Variants in DIP2A observed in about 807,000 individuals in gnomAD.
DIP2A encodes the protein disco-interacting protein 2 homolog A.
A neutral mutation model predicts 177.4 loss-of-function variants in DIP2A; 85 were observed. The observed-to-expected ratio is 0.48, with a 90% CI of 0.40 to 0.57. The LOEUF is 0.57. DIP2A is among the 20% of genes least tolerant of loss of function. The pLI is 0.00. For synonymous variants in DIP2A, 886 were observed against 881.8 expected (o/e 1.00, Z -0.08); for missense variants, 1,791 against 2,100.2 (o/e 0.85, Z 2.88).
At position 46,557,098 on chromosome 21, in the gene DIP2A, G is replaced by A. The variant is rs750421110; in HGVS notation, c.3629+29G>A. 1.3e-6 allele frequency: 2 copies of A among 1,574,982 alleles called. No homozygotes were observed. Among genetic ancestry groups the A allele is most frequent in the South Asian group, 2.3e-5 (2 of 87,598 alleles). On this transcript the variant is annotated intron_variant, in intron 30 of 37. Coordinates refer to ENST00000417564, the MANE Select transcript of DIP2A (RefSeq NM_015151.4). This position sits in a 1 kb window ranked among gnomAD's most constrained non-coding sequence, Gnocchi z 6.0. ...AGTGCAGGGCCCCTGCTGCCTGCCA[G>A]GTGGGAGCAGCTCGTGTGGCTCTTA...
Position 46,558,401 on chromosome 21 carries a change from G to A in DIP2A, c.3969+8G>A. The stretch of plus-strand genomic sequence containing the variant: ...GTGGCCATCTGCCTCCAGGTGAGGT[G>A]CCTGGGGCTGCGGTTCTCGAAAGCT... On this transcript the variant is annotated splice_region_variant and intron_variant, in intron 32 of 37. Transcript: ENST00000417564. 2 of 1,426,862 alleles carry A rather than the reference G, an allele frequency of 1.4e-6. No individual in the cohort carries two copies. Among genetic ancestry groups the A allele is most frequent in the Non-Finnish European group, 1.8e-6 (2 of 1,096,604 alleles). The allele number at this position is 1,426,862 out of a possible 1,614,324, so 88.4% of individuals were successfully genotyped here.
chr21:46,549,916 T>A (rs1406072169), intron 22 of DIP2A, 31 bp downstream of exon 22: 2 of 1,606,336 alleles, frequency 1.2e-6, no homozygotes, highest in Non-Finnish European at 1.7e-6. Context: ...TATGGTTCGG[T>A]GAATCTCCCA....
chr21:46,460,039 A>G (rs1467546192), intron 1 of DIP2A, among the ~76,000 whole-genome samples: 1 of 151,994 alleles, frequency 6.6e-6, no homozygotes, highest in Non-Finnish European at 1.5e-5. Flanking sequence ...CGCGCCTCAT[A>G]CTCTAGGAGC....
intron 5 of DIP2A, among the ~76,000 whole-genome samples, chr21:46,503,621 T>C (rs1350148271): frequency 0.01 from 1,357 of 135,384 alleles, 24 homozygotes; most frequent in African/African-American, 0.036. Context: ...CCTTTCTTTC[T>C]TTCTTTCTTT....
At chr21:46,495,361 C>T (rs184391381) in intron 3 of DIP2A, among the ~76,000 whole-genome samples, 2 of 151,416 alleles carry the variant, frequency 1.3e-5, no homozygotes, top group South Asian at 2.1e-4. Flanking sequence ...CTCTGCCTCC[C>T]GGGTTCAAAC....
At chr21:46,566,006 T>C in intron 36 of DIP2A, 119 bp downstream of exon 36, 2 of 1,199,652 alleles carry the variant, frequency 1.7e-6, no homozygotes, top group Admixed American at 2.2e-5. Flanking sequence ...TTGCTCCTTG[T>C]GGGGGGAAGA....
downstream of DIP2A, among the ~76,000 whole-genome samples, chr21:46,573,830 T>G (rs371566704): frequency 6.6e-6 from 1 of 151,830 alleles, no homozygotes; most frequent in African/African-American, 2.4e-5. Flanking sequence ...ACACATACAA[T>G]GACAGATCAT....
chr21:46,580,139 T>C, the DIP2A span, among the ~76,000 whole-genome samples: 1 of 152,244 alleles, frequency 6.6e-6, no homozygotes, highest in African/African-American at 2.4e-5. Flanking sequence ...GCTCCTGTAT[T>C]GGCTGCGTAT....
rs2060006485 is a variant in DIP2A, at chr21:46,545,771, CT to C, written c.2314-109del. On this transcript the variant is annotated intron_variant, in intron 19 of 37. Transcript: ENST00000417564. ...TGCAGGGCCAGCCTCCTTTTTCCCC[CT>C]GGCCAGCAGGCGCACACGTGGTGCT... 3.8e-6 allele frequency: 5 copies of C among 1,305,990 alleles called. No individual in the cohort carries two copies. In the East Asian group the frequency reaches 9.4e-5, roughly 24 times the overall value. The allele number at this position is 1,305,990 out of a possible 1,614,324, so 80.9% of individuals were successfully genotyped here.
At position 46,546,928 on chromosome 21, in the gene DIP2A, T is replaced by C. The variant is rs1448181431; in HGVS notation, c.2408T>C (p.Phe803Ser). Residue 803 changes from phenylalanine (F) to serine (S), a missense_variant, in exon 21 of 38, where the codon TTC (phenylalanine) becomes TCC (serine). Physicochemically the swap from Phe to Ser is radical, Grantham distance 155. Coordinates refer to ENST00000417564, the MANE Select transcript of DIP2A (RefSeq NM_015151.4). The stretch of plus-strand genomic sequence containing the variant: ...CCTTTCCCTCAGGACAACCTGGTCT[T>C]CATCGTGGGCAAACTGGACGGGCTG... The part of the protein sequence containing the change: ...LGFIGPDNLV[F>S]IVGKLDGLMV... The C allele has an allele frequency of 1.2e-6, 2 of 1,613,766 alleles. No homozygotes were observed. Among genetic ancestry groups the C allele is most frequent in the Non-Finnish European group, 1.7e-6 (2 of 1,179,814 alleles).
chr21:46,477,979 T>A (rs2056052914), intron 1 of DIP2A, among the ~76,000 whole-genome samples: 2 of 152,104 alleles, frequency 1.3e-5, no homozygotes, highest in African/African-American at 2.4e-5. Flanking sequence ...GGGTAATCAG[T>A]TGACTCAGAA....
At chr21:46,571,989 G>C (rs1204611051), downstream of DIP2A, among the ~76,000 whole-genome samples, 1 of 152,104 alleles carries the variant, frequency 6.6e-6, no homozygotes, top group Non-Finnish European at 1.5e-5. Context: ...GTTTTCAAAG[G>C]GAATCCTTCC....
intron 21 of DIP2A, 161 bp downstream of exon 21, chr21:46,547,203 AATG>A: frequency 7.0e-7 from 1 of 1,419,840 alleles, no homozygotes; most frequent in Non-Finnish European, 9.2e-7. Flanking sequence ...TATTTGCAGC[AATG>A]ATACCAGAGT....
At chr21:46,578,071 T>G in the DIP2A span, among the ~76,000 whole-genome samples, 3 of 152,126 alleles carry the variant, frequency 2.0e-5, no homozygotes, top group Non-Finnish European at 4.4e-5. Context: ...CCCAGCACTT[T>G]AGGAGGCCGA....
chr21:46,545,382 C>T, intron 19 of DIP2A, 109 bp downstream of exon 19: 2 of 1,333,930 alleles, frequency 1.5e-6, no homozygotes, highest in Non-Finnish European at 2.1e-6. Context: ...GGATGGTCTC[C>T]TTCCACACAG....
At chr21:46,529,416 A>C (rs529984392) in intron 9 of DIP2A, among the ~76,000 whole-genome samples, 3 of 152,122 alleles carry the variant, frequency 2.0e-5, no homozygotes, top group Non-Finnish European at 4.4e-5. Context: ...CCTGGGCAAC[A>C]TGGCAAAACC....
chr21:46,543,031 A>G (rs2059882177), intron 18 of DIP2A, among the ~76,000 whole-genome samples: 1 of 152,232 alleles, frequency 6.6e-6, no homozygotes, highest in Non-Finnish European at 1.5e-5. Flanking sequence ...CTCATTGAAT[A>G]AGACTGAAGT....
chr21:46,484,274 A>C (rs1440567118), intron 1 of DIP2A, among the ~76,000 whole-genome samples: 1 of 152,198 alleles, frequency 6.6e-6, no homozygotes, highest in South Asian at 2.1e-4. Flanking sequence ...TTAAAATTTG[A>C]AGTGTTATTT....
At chr21:46,482,930 A>G (rs2056446139) in intron 1 of DIP2A, among the ~76,000 whole-genome samples, 3 of 152,232 alleles carry the variant, frequency 2.0e-5, no homozygotes, top group African/African-American at 7.2e-5. Context: ...AAAGTTGTGC[A>G]CAAGTTGAAA....
Sources: allele counts gnomAD v4.1 joint callset (sites outside exome capture counted in the v4.1 genomes callset), GRCh38; gene constraint gnomAD v4.1.1; non-coding constraint Gnocchi (gnomAD v3.1); transcripts MANE v1.5; gene names NCBI Gene and HGNC (gene_info 2026-07-23, HGNC 2026-07-21).